NEGR1: variants seen among roughly 807,000 people sequenced by gnomAD.
NEGR1 encodes the protein neuronal growth regulator 1.
A neutral mutation model predicts 40.9 loss-of-function variants in NEGR1; 10 were observed. The observed-to-expected ratio is 0.24, with a 90% confidence interval of 0.15 to 0.42. The LOEUF (loss-of-function observed/expected upper bound fraction) is 0.42. Ranked by LOEUF, NEGR1 falls within the 10% of genes least tolerant of loss-of-function variation. The probability of loss-of-function intolerance (pLI) is 1.00; values close to 1 mark genes in which losing one functional copy is unlikely to be tolerated. For missense variants in NEGR1, 352 were observed against 438.9 expected, an observed-to-expected ratio of 0.80 and a Z score of 1.77; for synonymous variants, 185 against 166.8, an observed-to-expected ratio of 1.11 and a Z score of -0.84.
chr1:72,091,730 G>A (rs545424100), intron 1 of NEGR1, among the ~76,000 whole-genome samples: 30 of 152,062 alleles, frequency 2.0e-4, no homozygotes, highest in African/African-American at 5.5e-4. Flanking sequence ...ATCTGTTTGC[G>A]TTGCCACAAA....
chr1:71,832,552 C>T (rs1658877073), intron 2 of NEGR1, among the ~76,000 whole-genome samples: 1 of 152,008 alleles, frequency 6.6e-6, no homozygotes, highest in Non-Finnish European at 1.5e-5. Flanking sequence ...TGTGAAGTCT[C>T]ATCCAGGTCA....
chr1:71,691,666 C>T (rs965807977), intron 4 of NEGR1, among the ~76,000 whole-genome samples: 2 of 151,716 alleles, frequency 1.3e-5, no homozygotes, highest in Admixed American at 6.6e-5. Context: ...CATTATGAAA[C>T]ACTGGATCTA....
At chr1:71,483,556 A>G (rs781741384) in intron 6 of NEGR1, among the ~76,000 whole-genome samples, 1 of 151,588 alleles carries the variant, frequency 6.6e-6, no homozygotes, top group South Asian at 2.1e-4. Flanking sequence ...ATGTAGATCT[A>G]TCCATACAAA....
intron 1 of NEGR1, among the ~76,000 whole-genome samples, chr1:72,104,902 T>C (rs1360999856): frequency 2.0e-5 from 3 of 152,150 alleles, no homozygotes; most frequent in Non-Finnish European, 2.9e-5. Context: ...GAAAAATGAC[T>C]GGACTTATCA....
intron 1 of NEGR1, among the ~76,000 whole-genome samples, chr1:72,157,217 T>G (rs1407883913): frequency 6.6e-6 from 1 of 152,100 alleles, no homozygotes; most frequent in African/African-American, 2.4e-5. Flanking sequence ...GTGATCCTCC[T>G]GCTTTGGCCT....
At chr1:71,700,086 C>T (rs969315514) in intron 3 of NEGR1, among the ~76,000 whole-genome samples, 8 of 151,794 alleles carry the variant, frequency 5.3e-5, no homozygotes, top group African/African-American at 1.9e-4. Context: ...TTTGACATTT[C>T]GTTAGAGAAG....
chr1:71,914,123 A>G (rs1012157633), intron 2 of NEGR1, among the ~76,000 whole-genome samples: 3 of 152,204 alleles, frequency 2.0e-5, no homozygotes, highest in African/African-American at 7.2e-5. Context: ...TGAGACGCCA[A>G]TCCTGAACAG....
chr1:71,780,271 C>CT (rs1557649884), intron 2 of NEGR1, among the ~76,000 whole-genome samples: 1 of 152,088 alleles, frequency 6.6e-6, no homozygotes, highest in Non-Finnish European at 1.5e-5. Flanking sequence ...TTGTCATGTA[C>CT]TTTAAGTACT....
intron 6 of NEGR1, among the ~76,000 whole-genome samples, chr1:71,546,441 A>G (rs1454852683): frequency 3.3e-5 from 5 of 151,762 alleles, no homozygotes; most frequent in Admixed American, 1.3e-4. Flanking sequence ...AAAAATAAAT[A>G]TAGGATAACA....
chr1:72,084,787 GGATTATTT>G (rs1199719544), intron 1 of NEGR1, among the ~76,000 whole-genome samples: 5 of 152,020 alleles, frequency 3.3e-5, no homozygotes, highest in African/African-American at 9.7e-5. Context: ...AACTCATGTT[GGATTATTT>G]GAATGGAAAA....
intron 6 of NEGR1, among the ~76,000 whole-genome samples, chr1:71,513,607 C>G (rs928562321): frequency 6.6e-6 from 1 of 152,140 alleles, no homozygotes; most frequent in African/African-American, 2.4e-5. Flanking sequence ...TAAAATATCT[C>G]AAAGTCCTAT....
chr1:71,766,715 A>T (rs1314469415), intron 3 of NEGR1, among the ~76,000 whole-genome samples: 1 of 152,148 alleles, frequency 6.6e-6, no homozygotes, highest in Non-Finnish European at 1.5e-5. Context: ...CTCAAGTCTC[A>T]TGTGGAATTG....
At chr1:71,723,029 T>C (rs1654560949) in intron 3 of NEGR1, among the ~76,000 whole-genome samples, 2 of 123,158 alleles carry the variant, frequency 1.6e-5, no homozygotes, top group South Asian at 5.0e-4. Flanking sequence ...AGAAAGTTTC[T>C]GAAAAAAAAA....
At chr1:71,732,351 C>T (rs562805622) in intron 3 of NEGR1, among the ~76,000 whole-genome samples, 2 of 152,092 alleles carry the variant, frequency 1.3e-5, no homozygotes, top group South Asian at 4.2e-4. Flanking sequence ...ACAAAAAAAC[C>T]CCATACATTT....
At chr1:71,907,557 G>T (rs551331610) in intron 2 of NEGR1, among the ~76,000 whole-genome samples, 1 of 152,218 alleles carries the variant, frequency 6.6e-6, no homozygotes, top group South Asian at 2.1e-4. Flanking sequence ...TATATTGTTG[G>T]TGAAAATGTA....
chr1:72,091,976 C>T (rs1291717916), intron 1 of NEGR1, among the ~76,000 whole-genome samples: 1 of 152,086 alleles, frequency 6.6e-6, no homozygotes, highest in South Asian at 2.1e-4. Context: ...CCTCACTTAA[C>T]ATTACTTCTT....
intron 2 of NEGR1, among the ~76,000 whole-genome samples, chr1:71,912,833 G>A (rs369525424): frequency 6.6e-6 from 1 of 152,048 alleles, no homozygotes; most frequent in Non-Finnish European, 1.5e-5. Context: ...TATAGTACAT[G>A]TATATATGTA....
intron 6 of NEGR1, among the ~76,000 whole-genome samples, chr1:71,424,713 G>T (rs1389956821): frequency 2.0e-5 from 3 of 152,160 alleles, no homozygotes; most frequent in Non-Finnish European, 4.4e-5. Context: ...GCCCCCATGT[G>T]TTAAGAAATG....
chr1:71,981,989 T>C (rs567692788), intron 1 of NEGR1, among the ~76,000 whole-genome samples: 17 of 152,312 alleles, frequency 1.1e-4, no homozygotes, highest in Non-Finnish European at 2.2e-4. Flanking sequence ...ATGTTTAATG[T>C]CTTGTTTGGC....
Sources: gnomAD v4.1 joint callset for allele counts (sites outside exome capture counted in the v4.1 genomes callset) on GRCh38, gnomAD v4.1.1 for gene constraint, MANE v1.5 for transcripts, NCBI Gene and HGNC (gene_info 2026-07-23, HGNC 2026-07-21) for gene names.